PLXDC2: variants seen among roughly 807,000 people sequenced by gnomAD.
PLXDC2 encodes the protein plexin domain containing 2.
A neutral mutation model predicts 68.9 loss-of-function variants in PLXDC2; 40 were observed. The ratio of observed to expected loss-of-function variants is 0.58; its 90% CI spans 0.45 to 0.76. The LOEUF is 0.76. PLXDC2 is among the 30% of genes least tolerant of loss of function. PLXDC2 has a pLI of 0.00. For missense variants in PLXDC2, 644 were observed against 661.9 expected (o/e 0.97, Z 0.30); for synonymous variants, 243 against 234.2 (o/e 1.04, Z -0.34).
At chr10:19,861,104 G>A (rs745872551) in intron 1 of PLXDC2, among the ~76,000 whole-genome samples, 8 of 150,364 alleles carry the variant, frequency 5.3e-5, no homozygotes, top group East Asian at 2.0e-4. Context: ...GCATGATCTC[G>A]GCTCACTGCA....
intron 5 of PLXDC2, among the ~76,000 whole-genome samples, chr10:20,145,315 A>G (rs1047522081): frequency 2.0e-5 from 3 of 152,232 alleles, no homozygotes; most frequent in Admixed American, 2.0e-4. Context: ...AAACACTTTT[A>G]AACACTGTAA....
At chr10:19,901,851 A>G (rs1325443789) in intron 1 of PLXDC2, among the ~76,000 whole-genome samples, 2 of 152,164 alleles carry the variant, frequency 1.3e-5, no homozygotes, top group East Asian at 1.9e-4. Context: ...TGATTTTTGT[A>G]TAAGGTGAGA....
chr10:19,904,501 A>C (rs1373219407), intron 1 of PLXDC2, among the ~76,000 whole-genome samples: 1 of 151,800 alleles, frequency 6.6e-6, no homozygotes, highest in Non-Finnish European at 1.5e-5. Context: ...CCCCAGCAAC[A>C]GCATTGAGTC....
At chr10:20,155,070 C>T (rs978204370) in intron 6 of PLXDC2, among the ~76,000 whole-genome samples, 2 of 152,114 alleles carry the variant, frequency 1.3e-5, no homozygotes, top group Admixed American at 1.3e-4. Flanking sequence ...GTATTTAAAC[C>T]TAATGTTCCT....
At chr10:19,872,016 G>C (rs2131343522) in intron 1 of PLXDC2, among the ~76,000 whole-genome samples, 1 of 152,158 alleles carries the variant, frequency 6.6e-6, no homozygotes, top group Admixed American at 6.5e-5. Flanking sequence ...ATGGGTACCT[G>C]GCATGTTAGG....
At chr10:20,162,162 G>T (rs2131812502) in intron 6 of PLXDC2, among the ~76,000 whole-genome samples, 1 of 150,320 alleles carries the variant, frequency 6.7e-6, no homozygotes, top group African/African-American at 2.5e-5. Context: ...AAGGAAGGAA[G>T]GAAGAGAAAA....
chr10:19,836,740 A>G (rs1261262494), intron 1 of PLXDC2, among the ~76,000 whole-genome samples: 1 of 152,218 alleles, frequency 6.6e-6, no homozygotes, highest in Non-Finnish European at 1.5e-5. Context: ...TTTTAAAGTC[A>G]ATTTTACACC....
At chr10:19,968,278 T>A (rs1306626500) in intron 1 of PLXDC2, among the ~76,000 whole-genome samples, 1 of 152,090 alleles carries the variant, frequency 6.6e-6, no homozygotes, top group Non-Finnish European at 1.5e-5. Context: ...ATTAGATGAG[T>A]GATTAAATAC....
At chr10:19,861,458 C>T (rs1837319076) in intron 1 of PLXDC2, among the ~76,000 whole-genome samples, 1 of 152,136 alleles carries the variant, frequency 6.6e-6, no homozygotes, top group South Asian at 2.1e-4. Flanking sequence ...ACCCTCCTTG[C>T]TTAAAAGTTT....
At chr10:20,131,948 GA>G (rs146740689) in intron 4 of PLXDC2, among the ~76,000 whole-genome samples, 4,404 of 151,982 alleles carry the variant, frequency 0.029, 87 homozygotes, top group South Asian at 0.073. Flanking sequence ...TTGCTTTTAT[GA>G]AATCTTTCTT....
intron 13 of PLXDC2, among the ~76,000 whole-genome samples, chr10:20,246,799 G>A (rs2119338324): frequency 6.6e-6 from 1 of 152,162 alleles, no homozygotes; most frequent in African/African-American, 2.4e-5. Context: ...CACATGGAAA[G>A]GTTGCTTGGA....
intron 12 of PLXDC2, among the ~76,000 whole-genome samples, chr10:20,239,612 G>C (rs980452430): frequency 1.3e-5 from 2 of 152,090 alleles, no homozygotes; most frequent in Non-Finnish European, 2.9e-5. Flanking sequence ...CCTCCCACCA[G>C]GTCCCTCTCT....
rs112489015 is a variant in PLXDC2, at chr10:20,120,846, G to A, written c.542-22449G>A. Among the ~76,000 whole-genome samples, 1,285 of 152,314 alleles carry A rather than the reference G, an allele frequency of 8.4e-3. 21 individuals are homozygous for A. The highest frequency in any genetic ancestry group is 0.03 in the African/African-American group (1,229 of 41,558). ...GGAAATGAAAGGTTCTAAGAGGCGG[G>A]CTAGTGGCTTGTGCTATAGCATAGC... On this transcript the variant is annotated intron_variant, in intron 4 of 13. Transcript: ENST00000377252.
chr10:20,209,050 A>G (rs993234685), intron 9 of PLXDC2, among the ~76,000 whole-genome samples: 5 of 152,148 alleles, frequency 3.3e-5, no homozygotes, highest in Admixed American at 6.6e-5. Flanking sequence ...ACAGGACCAC[A>G]GGACGGGGGC....
At chr10:19,818,748 A>G (rs2131991403) in intron 1 of PLXDC2, among the ~76,000 whole-genome samples, 1 of 152,254 alleles carries the variant, frequency 6.6e-6, no homozygotes, top group South Asian at 2.1e-4. Context: ...TAACACTTTT[A>G]GCCTTCCAGG....
intron 2 of PLXDC2, among the ~76,000 whole-genome samples, chr10:20,018,109 C>T (rs950276118): frequency 6.6e-6 from 1 of 152,196 alleles, no homozygotes; most frequent in Non-Finnish European, 1.5e-5. Flanking sequence ...TGTAGCCCAA[C>T]ACAGTGATGG....
intron 6 of PLXDC2, among the ~76,000 whole-genome samples, chr10:20,157,624 T>G (rs565473915): frequency 6.6e-6 from 1 of 152,318 alleles, no homozygotes; most frequent in South Asian, 2.1e-4. Flanking sequence ...GAGAGGAGCT[T>G]CTGTCTTTGA....
intron 4 of PLXDC2, among the ~76,000 whole-genome samples, chr10:20,088,772 A>C (rs1833235040): frequency 6.6e-6 from 1 of 152,234 alleles, no homozygotes; most frequent in African/African-American, 2.4e-5. Flanking sequence ...CTTAAAAAAT[A>C]TTATGAGGAT....
intron 1 of PLXDC2, among the ~76,000 whole-genome samples, chr10:19,973,784 C>G (rs2131614045): frequency 6.6e-6 from 1 of 152,300 alleles, no homozygotes; most frequent in East Asian, 1.9e-4. Flanking sequence ...TGGTTGAACA[C>G]CCATCATTAT....
Sources: allele counts gnomAD v4.1 joint callset (sites outside exome capture counted in the v4.1 genomes callset), GRCh38; gene constraint gnomAD v4.1.1; transcripts MANE v1.5; gene names NCBI Gene and HGNC (gene_info 2026-07-23, HGNC 2026-07-21).